The following ACSM2A variants were observed in gnomAD, a reference collection of about 807,000 sequenced individuals.
The protein encoded by ACSM2A is acyl-coenzyme A synthetase ACSM2A, mitochondrial.
ACSM2A carries 72 observed loss-of-function variants against 76.6 expected under a neutral mutation model. The observed-to-expected ratio is 0.94, with a 90% CI of 0.78 to 1.14. The LOEUF (loss-of-function observed/expected upper bound fraction) is 1.14, where lower values mean the gene tolerates loss of function less well. ACSM2A is among the 50% of genes most tolerant of loss of function. ACSM2A has a pLI of 0.00. For synonymous variants in ACSM2A, 249 were observed against 255.9 expected, an observed-to-expected ratio of 0.97 and a Z score of 0.26; for missense variants, 684 against 708.5, an observed-to-expected ratio of 0.97 and a Z score of 0.39.
At chr16:20,479,529 A>G in intron 10 of ACSM2A, among the ~76,000 whole-genome samples, 1 of 152,122 alleles carries the variant, frequency 6.6e-6, no homozygotes, top group East Asian at 1.9e-4. Flanking sequence ...CAGTTTCCTC[A>G]TCTGTAAGTT....
rs1368682003 is a variant in ACSM2A, at chr16:20,486,804, C to T, written c.*126C>T. 1 of 1,222,672 alleles carries T rather than the reference C, an allele frequency of 8.2e-7. No individual in the cohort carries two copies. The highest frequency in any genetic ancestry group is 1.2e-6 in the Non-Finnish European group (1 of 860,522). The allele number at this position is 1,222,672 out of a possible 1,614,324, so 75.7% of individuals were successfully genotyped here. On this transcript the variant is annotated 3_prime_UTR_variant, in exon 14 of 14. Transcript: ENST00000573854. ...AACATGAATATAAGTTTTGTCTTGC[C>T]TTGGTTATTAGCACAAAACTTTACC...
chr16:20,483,175 A>G lies in ACSM2A; in HGVS notation c.1627A>G (p.Lys543Glu), dbSNP rs1380016958. 5 of 1,613,598 alleles carry G rather than the reference A, an allele frequency of 3.1e-6. No individual in the cohort carries two copies. Among genetic ancestry groups the G allele is most frequent in the Middle Eastern group, 1.6e-4 (1 of 6,084 alleles). The change falls in exon 13 of 14, where the codon AAG becomes GAG. Residue 543 changes from lysine (K) to glutamate (E), a missense_variant and splice_region_variant. Physicochemically the swap from Lys to Glu is moderately conservative, Grantham distance 56. This residue lies in a region of ACSM2A where 159 missense variants were observed against 132.5 expected (regional missense o/e 1.20). Transcript: ENST00000573854. ...SVTAPYKYPR[K>E]IEFVLNLPKT... Reference sequence around the variant, plus strand: ...GACAGCCCCATACAAGTACCCAAGAAAGGTAAGGCCTTTGAGCTCCCAAGT... The same window carrying G: ...GACAGCCCCATACAAGTACCCAAGAGAGGTAAGGCCTTTGAGCTCCCAAGT...
chr16:20,461,699 A>C (rs532957439), intron 2 of ACSM2A, among the ~76,000 whole-genome samples: 1 of 152,256 alleles, frequency 6.6e-6, no homozygotes, highest in South Asian at 2.1e-4. Context: ...AAATATAAAA[A>C]TTTCTCACCC....
At chr16:20,455,344 A>T (rs1169609767) in intron 1 of ACSM2A, among the ~76,000 whole-genome samples, 2 of 151,430 alleles carry the variant, frequency 1.3e-5, no homozygotes, top group Non-Finnish European at 1.5e-5. Flanking sequence ...GCACATTGTC[A>T]TCAGGTTATC....
intron 1 of ACSM2A, among the ~76,000 whole-genome samples, chr16:20,456,666 A>T (rs1016464988): frequency 6.8e-6 from 1 of 147,320 alleles, no homozygotes; most frequent in Admixed American, 6.7e-5. Context: ...CTAAGAGGTA[A>T]GTTCATAGCC....
intron 6 of ACSM2A, 25 bp from the exon 7 acceptor site, chr16:20,475,337 G>T: frequency 1.9e-6 from 3 of 1,613,572 alleles, no homozygotes; most frequent in Non-Finnish European, 2.5e-6. Flanking sequence ...GGTGACCAAT[G>T]TCTCACCTGG....
chr16:20,483,178 G>T lies in ACSM2A; in HGVS notation c.1629+1G>T. ...AGCCCCATACAAGTACCCAAGAAAG[G>T]TAAGGCCTTTGAGCTCCCAAGTCAC... On this transcript the variant is annotated splice_donor_variant, in intron 13 of 13. Transcript: ENST00000573854. LOFTEE classifies it high-confidence loss of function. The T allele has an allele frequency of 6.2e-7, 1 of 1,613,742 alleles. No individual in the cohort carries two copies. Among genetic ancestry groups the T allele is most frequent in the South Asian group, 1.1e-5 (1 of 91,058 alleles).
rs372292767 is a variant in ACSM2A, at chr16:20,460,161, C to G, written c.47C>G (p.Thr16Ser). 8.7e-6 allele frequency: 14 copies of G among 1,612,856 alleles called. No homozygotes were observed. Among genetic ancestry groups the G allele is most frequent in the African/African-American group, 5.3e-5 (4 of 74,838 alleles). ...CAGGGACTTTGCACCCTGTGGGGTA[C>G]TCAGATGTCCAGCCGCACTCTCTAC... ...KVQGLCTLWG[T>S]QMSSRTLYIN... is the part of the protein sequence containing the mutation. Residue 16 changes from threonine to serine, a missense_variant, in exon 2 of 14, where the codon ACT becomes AGT. Thr to Ser is a moderately conservative substitution (Grantham distance 58). Around this residue, in one of 3 missense-constraint regions of ACSM2A, gnomAD observed 519 missense variants for 549.5 expected, o/e 0.94. Transcript: ENST00000573854.
intron 2 of ACSM2A, among the ~76,000 whole-genome samples, chr16:20,462,092 G>T (rs758145386): frequency 6.6e-6 from 1 of 152,178 alleles, no homozygotes; most frequent in Non-Finnish European, 1.5e-5. Flanking sequence ...TTTCCAGAAT[G>T]CAAATGTCTG....
At chr16:20,471,502 C>G in intron 5 of ACSM2A, 34 bp from the exon 6 acceptor site, 3 of 1,593,202 alleles carry the variant, frequency 1.9e-6, no homozygotes, top group Non-Finnish European at 2.6e-6. Flanking sequence ...CATGCACCCA[C>G]CTATATGTAC....
At chr16:20,457,018 C>G (rs2012214061) in intron 1 of ACSM2A, among the ~76,000 whole-genome samples, 1 of 151,524 alleles carries the variant, frequency 6.6e-6, no homozygotes, top group African/African-American at 2.4e-5. Flanking sequence ...CAAGGCACTA[C>G]AAACAGCTTT....
Position 20,486,711 on chromosome 16 carries a change from C to A in ACSM2A, c.*33C>A. 6.2e-7 allele frequency: 1 copy of A among 1,610,218 alleles called. No homozygotes were observed. Reference sequence around the variant, plus strand: ...AAGAGACATTCATTTGGATTCCCCTCTTCTTTCTCTTTCTTTTCCCTTTGG... The same window carrying A: ...AAGAGACATTCATTTGGATTCCCCTATTCTTTCTCTTTCTTTTCCCTTTGG... On this transcript the variant is annotated 3_prime_UTR_variant, in exon 14 of 14. Transcript: ENST00000573854.
Position 20,465,599 on chromosome 16 carries a change from G to A in ACSM2A, c.260G>A (p.Ser87Asn), listed in dbSNP as rs771194992. ...TTAATGTGGAATTTCAGAGAACTGA[G>A]TGAAAACAGCCAGCAGGCAGCCAAC... ...KELMWNFREL[S>N]ENSQQAANVL... The change falls in exon 3 of 14, where the codon AGT (serine) becomes AAT (asparagine). Residue 87 changes from serine (S) to asparagine (N), a missense_variant. This residue lies in a region of ACSM2A where 519 missense variants were observed against 549.5 expected (regional missense o/e 0.94). Transcript: ENST00000573854. The A allele has an allele frequency of 1.9e-6, 3 of 1,613,886 alleles. No homozygotes were observed. In the African/African-American group the frequency reaches 4.0e-5, roughly 22 times the overall value.
intron 1 of ACSM2A, among the ~76,000 whole-genome samples, chr16:20,458,240 T>C (rs1018764662): frequency 4.0e-5 from 6 of 150,402 alleles, no homozygotes; most frequent in Non-Finnish European, 4.4e-5. Flanking sequence ...AAAAGCAATA[T>C]ACAAATTCAG....
chr16:20,475,765 A>G lies in ACSM2A; in HGVS notation c.1090A>G (p.Thr364Ala). The change falls in exon 8 of 14, where the codon ACA becomes GCA. Residue 364 changes from threonine to alanine, a missense_variant. Around this residue, in one of 3 missense-constraint regions of ACSM2A, gnomAD observed 519 missense variants for 549.5 expected, o/e 0.94. Coordinates refer to ENST00000573854, the MANE Select transcript of ACSM2A (RefSeq NM_001308172.2). ...GLDIRESYGQ[T>A]ETGLTCMVSK... Reference sequence around the variant, plus strand: ...GGACATCCGAGAATCCTATGGCCAGACAGAAACGGTACCTGTTCCCAGGGG... The same window carrying G: ...GGACATCCGAGAATCCTATGGCCAGGCAGAAACGGTACCTGTTCCCAGGGG... The G allele has an allele frequency of 6.2e-7, 1 of 1,613,950 alleles. No homozygotes were observed. The highest frequency in any genetic ancestry group is 8.5e-7 in the Non-Finnish European group (1 of 1,179,862).
In ACSM2A at chr16:20,475,789, G is replaced by A. The variant is rs375807855; in HGVS notation, c.1098+16G>A. On this transcript the variant is annotated intron_variant, in intron 8 of 13. Transcript: ENST00000573854. The stretch of plus-strand genomic sequence containing the variant: ...GACAGAAACGGTACCTGTTCCCAGG[G>A]GAACCATGGGCTGTGTGCACTTTTT... 2.5e-6 allele frequency: 4 copies of A among 1,612,970 alleles called. No homozygotes were observed. In the African/African-American group the frequency reaches 4.0e-5, roughly 16 times the overall value.
chr16:20,477,193 C>T (rs1397701865), intron 8 of ACSM2A, 176 bp from the exon 9 acceptor site: 1 of 1,210,964 alleles, frequency 8.3e-7, no homozygotes, highest in Admixed American at 3.2e-5. Context: ...TAGCGAAGCC[C>T]CTAGGATTGT....
At chr16:20,484,803 G>T (rs2014298659) in intron 13 of ACSM2A, among the ~76,000 whole-genome samples, 1 of 152,154 alleles carries the variant, frequency 6.6e-6, no homozygotes, top group South Asian at 2.1e-4. Context: ...AGGCTGCCCT[G>T]GGAAGGAGTG....
chr16:20,468,286 G>C (rs141313355), intron 3 of ACSM2A, among the ~76,000 whole-genome samples: 1 of 152,158 alleles, frequency 6.6e-6, no homozygotes, highest in Non-Finnish European at 1.5e-5. Context: ...AGTGAGCTAA[G>C]GTTAAAAGCT....
Sources: gnomAD v4.1 joint callset for allele counts (sites outside exome capture counted in the v4.1 genomes callset) on GRCh38, gnomAD v4.1.1 for gene constraint, gnomAD v4.1.1 regional missense constraint, MANE v1.5 for transcripts, NCBI Gene and HGNC (gene_info 2026-07-23, HGNC 2026-07-21) for gene names.